The following MAGI2 variants were observed in gnomAD, a reference collection of about 807,000 sequenced individuals.
MAGI2 encodes membrane-associated guanylate kinase, WW and PDZ domain-containing protein 2.
MAGI2 carries 35 observed loss-of-function variants against 133.3 expected under a neutral mutation model. That is an observed-to-expected ratio of 0.26 (90% confidence interval 0.20 to 0.35). The LOEUF (loss-of-function observed/expected upper bound fraction) is 0.35. Among genes scored for constraint, MAGI2 ranks in the 10% least tolerant of loss-of-function variants. The pLI, the probability that MAGI2 is intolerant of heterozygous loss-of-function variation, is 1.00. For synonymous variants in MAGI2, 729 were observed against 710.6 expected (o/e 1.03, Z -0.41); for missense variants, 1,636 against 1,863.4 (o/e 0.88, Z 2.25).
At chr7:79,219,048 C>T (rs1198187955) in intron 1 of MAGI2, among the ~76,000 whole-genome samples, 1 of 152,034 alleles carries the variant, frequency 6.6e-6, no homozygotes, top group Non-Finnish European at 1.5e-5. Context: ...CAACTAAGAA[C>T]ATTACCAATA....
At chr7:79,045,814 G>A (rs773545876) in intron 1 of MAGI2, among the ~76,000 whole-genome samples, 1 of 152,090 alleles carries the variant, frequency 6.6e-6, no homozygotes, top group Non-Finnish European at 1.5e-5. Context: ...TGGCAGAGAA[G>A]AAAGGGATGG....
intron 2 of MAGI2, among the ~76,000 whole-genome samples, chr7:78,940,061 C>A (rs896064810): frequency 6.6e-6 from 1 of 152,138 alleles, no homozygotes; most frequent in Non-Finnish European, 1.5e-5. Context: ...GCCTCATCCC[C>A]ATGTGTGCCA....
intron 1 of MAGI2, among the ~76,000 whole-genome samples, chr7:79,449,297 T>C (rs1413022445): frequency 6.6e-6 from 1 of 151,568 alleles, no homozygotes; most frequent in African/African-American, 2.4e-5. Flanking sequence ...AGATCTTCTC[T>C]AAAACTGAAT....
chr7:79,263,694 TA>T (rs1239354620), intron 1 of MAGI2, among the ~76,000 whole-genome samples: 5 of 152,140 alleles, frequency 3.3e-5, no homozygotes, highest in African/African-American at 1.2e-4. Flanking sequence ...AAATGACAAA[TA>T]TATTGAACTC....
intron 2 of MAGI2, among the ~76,000 whole-genome samples, chr7:78,974,744 T>A (rs938640851): frequency 6.6e-6 from 1 of 151,790 alleles, no homozygotes; most frequent in Non-Finnish European, 1.5e-5. Flanking sequence ...GTCAAAAAGC[T>A]TTTATTACCA....
At chr7:78,256,836 A>G (rs1350867106) in intron 9 of MAGI2, among the ~76,000 whole-genome samples, 1 of 152,188 alleles carries the variant, frequency 6.6e-6, no homozygotes, top group Non-Finnish European at 1.5e-5. Context: ...TTCAGAAACA[A>G]AGGCTCTGAA....
intron 1 of MAGI2, among the ~76,000 whole-genome samples, chr7:79,284,295 A>C (rs1835852840): frequency 2.0e-5 from 3 of 152,088 alleles, no homozygotes. Flanking sequence ...AGCCCAACTC[A>C]TTCCCATAAT....
intron 3 of MAGI2, among the ~76,000 whole-genome samples, chr7:78,578,807 G>A (rs1213634467): frequency 6.6e-6 from 1 of 152,142 alleles, no homozygotes; most frequent in African/African-American, 2.4e-5. Flanking sequence ...GGAGGCCAGG[G>A]CATTATCCCT....
At chr7:78,614,084 T>A (rs1303348064) in intron 3 of MAGI2, among the ~76,000 whole-genome samples, 5 of 149,292 alleles carry the variant, frequency 3.3e-5, no homozygotes, top group African/African-American at 1.2e-4. Flanking sequence ...GACTCCAGCC[T>A]GGGTGACAGA....
At chr7:79,136,640 T>C (rs975099877) in intron 1 of MAGI2, among the ~76,000 whole-genome samples, 2 of 152,242 alleles carry the variant, frequency 1.3e-5, no homozygotes, top group Admixed American at 1.3e-4. Flanking sequence ...TCAAATAGAC[T>C]GAACTCTTCT....
chr7:79,265,404 T>C (rs184479636), intron 1 of MAGI2, among the ~76,000 whole-genome samples: 43 of 152,282 alleles, frequency 2.8e-4, no homozygotes, highest in African/African-American at 8.4e-4. Context: ...TATTCAAAAA[T>C]GATATAAAAC....
chr7:78,759,074 G>A (rs920627661), intron 2 of MAGI2, among the ~76,000 whole-genome samples: 4 of 152,076 alleles, frequency 2.6e-5, no homozygotes, highest in Admixed American at 6.6e-5. Flanking sequence ...TGATGACTTC[G>A]TGGAATGCAA....
At chr7:78,501,104 C>T (rs184431263) in intron 5 of MAGI2, among the ~76,000 whole-genome samples, 19 of 152,250 alleles carry the variant, frequency 1.2e-4, no homozygotes, top group Admixed American at 3.9e-4. Flanking sequence ...AACCAACCAA[C>T]CAAACAAACA....
chr7:78,513,528 A>G (rs1476313823), intron 4 of MAGI2, among the ~76,000 whole-genome samples: 1 of 152,204 alleles, frequency 6.6e-6, no homozygotes, highest in Non-Finnish European at 1.5e-5. Flanking sequence ...GGTGAAAATC[A>G]GACCTACAGA....
At chr7:79,063,660 C>T (rs778851866) in intron 1 of MAGI2, among the ~76,000 whole-genome samples, 3 of 152,036 alleles carry the variant, frequency 2.0e-5, no homozygotes, top group Admixed American at 2.0e-4. Context: ...CATACTTTAT[C>T]GCTGAAATCA....
At chr7:78,375,108 G>A (rs1437151212) in intron 6 of MAGI2, among the ~76,000 whole-genome samples, 1 of 152,094 alleles carries the variant, frequency 6.6e-6, no homozygotes, top group African/African-American at 2.4e-5. Flanking sequence ...CTCCCAAAGT[G>A]CTGGGATTAC....
intron 1 of MAGI2, among the ~76,000 whole-genome samples, chr7:79,310,406 G>T (rs574590525): frequency 1.3e-5 from 2 of 152,162 alleles, no homozygotes; most frequent in African/African-American, 2.4e-5. Context: ...CACCAGGAAA[G>T]CTTGCTAAAC....
At chr7:79,128,051 T>C (rs967953434) in intron 1 of MAGI2, among the ~76,000 whole-genome samples, 4 of 152,174 alleles carry the variant, frequency 2.6e-5, no homozygotes, top group Non-Finnish European at 4.4e-5. Context: ...ATTTATTAAA[T>C]AGGGAATCCT....
At chr7:78,551,645 G>C (rs115961781) in intron 3 of MAGI2, among the ~76,000 whole-genome samples, 1,968 of 152,350 alleles carry the variant, frequency 0.013, 22 homozygotes, top group African/African-American at 0.035. Flanking sequence ...CAGGCCCTAA[G>C]AGGGTAACTT....
Sources: allele counts gnomAD v4.1 joint callset (sites outside exome capture counted in the v4.1 genomes callset), GRCh38; gene constraint gnomAD v4.1.1; transcripts MANE v1.5; gene names NCBI Gene and HGNC (gene_info 2026-07-23, HGNC 2026-07-21).